Variants in RIMKLB observed in about 807,000 individuals in gnomAD.
The protein encoded by RIMKLB is ribosomal modification protein rimK like family member B.
RIMKLB carries 7 observed loss-of-function variants against 32.0 expected under a neutral mutation model. That is an observed-to-expected ratio of 0.22 (90% CI 0.12 to 0.41). RIMKLB has a LOEUF of 0.41. Among genes scored for constraint, RIMKLB ranks in the 10% least tolerant of loss-of-function variants. The pLI, the probability that RIMKLB is intolerant of heterozygous loss-of-function variation, is 1.00. For missense variants in RIMKLB, 289 were observed against 498.7 expected, an observed-to-expected ratio of 0.58 and a Z score of 4.00; for synonymous variants, 172 against 185.1, an observed-to-expected ratio of 0.93 and a Z score of 0.57.
In RIMKLB at chr12:8,775,986, A is replaced by G. The variant is rs1950703524; in HGVS notation, c.*2202A>G. On this transcript the variant is annotated 3_prime_UTR_variant, in exon 6 of 6. Transcript: ENST00000535829. ...GTGGAGGATGCATACTATTTGGTAT[A>G]GAGAAATAAATGAGGAAGAAAGAAC... is the stretch of plus-strand genomic sequence containing the variant. 1.0e-6 allele frequency: 1 copy of G among 983,906 alleles called. No individual in the cohort carries two copies. The highest frequency in any genetic ancestry group is 4.7e-5 in the South Asian group (1 of 21,266). 60.9% of individuals were successfully genotyped at this position (983,906 alleles called of 1,614,324 possible). A position where few individuals can be genotyped will look rare whatever the true frequency, so the allele number is the denominator to read the frequency against.
At chr12:8,767,723 C>T (rs145160884) in intron 5 of RIMKLB, among the ~76,000 whole-genome samples, 5 of 152,180 alleles carry the variant, frequency 3.3e-5, no homozygotes, top group Admixed American at 6.5e-5. Flanking sequence ...AAATTGAAAG[C>T]GGAAGCTGGT....
At chr12:8,732,512 G>A (rs1365254264) in intron 2 of RIMKLB, among the ~76,000 whole-genome samples, 1 of 152,116 alleles carries the variant, frequency 6.6e-6, no homozygotes, top group Non-Finnish European at 1.5e-5. Context: ...ACTGCATTGT[G>A]TATTTTTGGG....
chr12:8,733,196 A>C (rs1946706073), intron 2 of RIMKLB, among the ~76,000 whole-genome samples: 1 of 152,164 alleles, frequency 6.6e-6, no homozygotes, highest in African/African-American at 2.4e-5. Flanking sequence ...AATATCTCGT[A>C]AGGCATAGTA....
At chr12:8,701,036 A>C (rs1203956567) in intron 1 of RIMKLB, among the ~76,000 whole-genome samples, 1 of 152,164 alleles carries the variant, frequency 6.6e-6, no homozygotes, top group Non-Finnish European at 1.5e-5. Flanking sequence ...ACTGCACTCC[A>C]GCTTGGGCAA....
intron 5 of RIMKLB, among the ~76,000 whole-genome samples, chr12:8,756,627 A>G (rs1949051364): frequency 6.6e-6 from 1 of 151,860 alleles, no homozygotes; most frequent in African/African-American, 2.4e-5. Context: ...AATACATGAT[A>G]GAGTAAGAAC....
chr12:8,731,572 A>C (rs778523233), intron 2 of RIMKLB, among the ~76,000 whole-genome samples: 1 of 152,040 alleles, frequency 6.6e-6, no homozygotes, highest in African/African-American at 2.4e-5. Context: ...ATTGGTAAAC[A>C]ATCTTTGCTG....
Position 8,749,047 on chromosome 12 carries a change from TTC to T in RIMKLB, c.176-813_176-812del, listed in dbSNP as rs1392247447. On this transcript the variant is annotated intron_variant, in intron 2 of 5. Transcript: ENST00000535829. ...GAAACATTTATTTTAAAAAATTATT[TTC>T]TTTTTTCATTATAGAGGCATATGTT... Among the ~76,000 whole-genome samples the T allele has an allele frequency of 3.3e-5, 5 of 152,324 alleles. No individual in the cohort carries two copies. The South Asian group carries it at 6.2e-4, about 19-fold the overall frequency.
At chr12:8,702,416 A>C (rs911166528) in intron 1 of RIMKLB, among the ~76,000 whole-genome samples, 3 of 152,246 alleles carry the variant, frequency 2.0e-5, no homozygotes, top group African/African-American at 4.8e-5. Flanking sequence ...AAAAGTGTCT[A>C]TATCAAGTTG....
At chr12:8,682,816 A>AAG (rs1555142719) in intron 1 of RIMKLB, among the ~76,000 whole-genome samples, 13 of 149,508 alleles carry the variant, frequency 8.7e-5, no homozygotes, top group South Asian at 2.1e-4. Flanking sequence ...AAAAAAAAAA[A>AAG]AAAAGAAACG....
intron 2 of RIMKLB, among the ~76,000 whole-genome samples, chr12:8,721,378 C>T (rs1282397995): frequency 6.6e-6 from 1 of 152,210 alleles, no homozygotes; most frequent in Non-Finnish European, 1.5e-5. Context: ...TGGAGTCAGT[C>T]CTCTTAAACC....
At chr12:8,741,911 A>T (rs1431277532) in intron 2 of RIMKLB, among the ~76,000 whole-genome samples, 2 of 151,190 alleles carry the variant, frequency 1.3e-5, no homozygotes, top group African/African-American at 2.5e-5. Flanking sequence ...TTAAATTATT[A>T]AAAAAGGAGA....
At chr12:8,728,737 A>G (rs935998024) in intron 2 of RIMKLB, among the ~76,000 whole-genome samples, 15 of 151,822 alleles carry the variant, frequency 9.9e-5, no homozygotes, top group African/African-American at 3.4e-4. Context: ...CAGGCTCCCT[A>G]GTAGTCTGCC....
In RIMKLB at chr12:8,773,755, G is replaced by A. The variant is rs1256475233; in HGVS notation, c.1132G>A (p.Ala378Thr). Reference protein sequence around the residue: ...GGLFNMNQLLANEIKLLVD With the variant: ...GGLFNMNQLLTNEIKLLVD ...CCTGTTCAACATGAACCAGCTGCTAGCCAATGAAATCAAACTACTGGTGGA... is the reference window on the plus strand; with the variant it reads ...CCTGTTCAACATGAACCAGCTGCTAACCAATGAAATCAAACTACTGGTGGA... Residue 378 changes from alanine to threonine, a missense_variant, in exon 6 of 6, where the codon GCC becomes ACC. Ala to Thr is a moderately conservative substitution (Grantham distance 58). Around this residue, in one of 3 missense-constraint regions of RIMKLB, gnomAD observed 99 missense variants for 133.9 expected, o/e 0.74. Coordinates refer to ENST00000535829, the MANE Select transcript of RIMKLB (RefSeq NM_001297776.2). 2.5e-6 allele frequency: 4 copies of A among 1,613,468 alleles called. No individual in the cohort carries two copies. The highest frequency in any genetic ancestry group is 2.2e-5 in the East Asian group (1 of 44,862).
At chr12:8,674,269 C>T in the RIMKLB span, among the ~76,000 whole-genome samples, 24 of 131,440 alleles carry the variant, frequency 1.8e-4, 1 homozygote, top group African/African-American at 6.9e-4. Flanking sequence ...GACGGAGTCT[C>T]GCTCCATTGC....
intron 2 of RIMKLB, among the ~76,000 whole-genome samples, chr12:8,723,787 A>T (rs1266543383): frequency 1.4e-5 from 2 of 137,954 alleles, no homozygotes; most frequent in Admixed American, 7.4e-5. Context: ...TAATTCTCAT[A>T]GGCTTTCTTC....
chr12:8,725,927 A>G (rs1203611478), intron 2 of RIMKLB, among the ~76,000 whole-genome samples: 3 of 152,168 alleles, frequency 2.0e-5, no homozygotes, highest in Non-Finnish European at 4.4e-5. Flanking sequence ...GGTTCACTGC[A>G]ACCTCCGCCT....
At chr12:8,752,637 G>A (rs769512314) in intron 4 of RIMKLB, among the ~76,000 whole-genome samples, 8 of 152,144 alleles carry the variant, frequency 5.3e-5, no homozygotes, top group African/African-American at 9.7e-5. Flanking sequence ...ACTTAAATGC[G>A]TAAGGTAAAA....
chr12:8,713,303 T>C (rs1321036985), intron 1 of RIMKLB, among the ~76,000 whole-genome samples: 4 of 130,600 alleles, frequency 3.1e-5, no homozygotes, highest in Non-Finnish European at 3.0e-5. Context: ...CTACTACCTA[T>C]TTTTTTTTTC....
Position 8,776,886 on chromosome 12 carries a change from A to T in RIMKLB, c.*3102A>T. ...TTGAAAATCATCTCTTTTTCTCAAGAAGAAAGCAATGGAGAAGCAAATTTG... is the reference window on the plus strand; with the variant it reads ...TTGAAAATCATCTCTTTTTCTCAAGTAGAAAGCAATGGAGAAGCAAATTTG... On this transcript the variant is annotated 3_prime_UTR_variant, in exon 6 of 6. Transcript: ENST00000535829. 5.1e-6 allele frequency: 5 copies of T among 985,844 alleles called. No individual in the cohort carries two copies. The highest frequency in any genetic ancestry group is 6.0e-6 in the Non-Finnish European group (5 of 829,924). 61.1% of individuals were successfully genotyped at this position (985,844 alleles called of 1,614,324 possible).
Sources: gnomAD v4.1 joint callset for allele counts (sites outside exome capture counted in the v4.1 genomes callset) on GRCh38, gnomAD v4.1.1 for gene constraint, gnomAD v4.1.1 regional missense constraint, MANE v1.5 for transcripts, NCBI Gene and HGNC (gene_info 2026-07-23, HGNC 2026-07-21) for gene names.